The following ATF7IP2 variants were observed in gnomAD, a reference collection of about 807,000 sequenced individuals.
ATF7IP2 encodes activating transcription factor 7 interacting protein 2, also known as activating transcription factor 7-interacting protein 2.
In ATF7IP2, 42 loss-of-function variants were observed where a neutral mutation model predicts 64.2. The observed-to-expected ratio is 0.65, with a 90% CI of 0.51 to 0.85. The LOEUF (loss-of-function observed/expected upper bound fraction) is 0.85, where lower values mean the gene tolerates loss of function less well. Ranked by LOEUF, ATF7IP2 falls within the 40% of genes least tolerant of loss-of-function variation. The pLI, the probability that ATF7IP2 is intolerant of heterozygous loss-of-function variation, is 0.00. For synonymous variants in ATF7IP2, 308 were observed against 272.8 expected, an observed-to-expected ratio of 1.13 and a Z score of -1.27; for missense variants, 933 against 784.2, an observed-to-expected ratio of 1.19 and a Z score of -2.27.
At chr16:10,433,476 GT>G (rs2048322430) in intron 5 of ATF7IP2, 48 bp from the exon 6 acceptor site, 7 of 1,566,906 alleles carry the variant, frequency 4.5e-6, no homozygotes, top group Non-Finnish European at 6.1e-6. Context: ...CACTGAACCT[GT>G]TTTTTTCTTT....
intron 9 of ATF7IP2, among the ~76,000 whole-genome samples, chr16:10,459,329 A>G (rs559388139): frequency 6.6e-6 from 1 of 152,170 alleles, no homozygotes; most frequent in East Asian, 1.9e-4. Context: ...TTAGCCGGGC[A>G]TGGTGGCGGG....
intron 1 of ATF7IP2, among the ~76,000 whole-genome samples, chr16:10,409,023 A>T (rs7187089): frequency 6.6e-6 from 1 of 152,168 alleles, no homozygotes; most frequent in African/African-American, 2.4e-5. Flanking sequence ...GGTGCTGCTC[A>T]TGTCATTCAC....
chr16:10,389,603 A>G (rs940844876), intron 1 of ATF7IP2, among the ~76,000 whole-genome samples: 1 of 152,246 alleles, frequency 6.6e-6, no homozygotes, highest in Non-Finnish European at 1.5e-5. Flanking sequence ...GGAAATCGAC[A>G]TGGCTAAAAT....
intron 8 of ATF7IP2, among the ~76,000 whole-genome samples, chr16:10,453,829 C>T (rs1052429825): frequency 6.6e-6 from 1 of 151,968 alleles, no homozygotes; most frequent in Non-Finnish European, 1.5e-5. Flanking sequence ...GTTGGTCAGG[C>T]TGGTCTTGAA....
At chr16:10,399,152 C>T (rs755966069) in intron 1 of ATF7IP2, among the ~76,000 whole-genome samples, 1 of 152,094 alleles carries the variant, frequency 6.6e-6, no homozygotes, top group Non-Finnish European at 1.5e-5. Context: ...TGTGCAAAAT[C>T]TGACTAGTCA....
intron 2 of ATF7IP2, among the ~76,000 whole-genome samples, chr16:10,416,968 C>T (rs532910635): frequency 1.3e-3 from 196 of 152,224 alleles, no homozygotes; most frequent in African/African-American, 4.5e-3. Context: ...ACCCCATTTA[C>T]CAATGTGATT....
chr16:10,414,627 T>TTGTGTGTGTG lies in ATF7IP2; in HGVS notation c.-203+41_-203+50dup, dbSNP rs140459444. On this transcript the variant is annotated intron_variant, in intron 2 of 13. Coordinates refer to ENST00000562102, the MANE Select transcript of ATF7IP2 (RefSeq NM_001393719.1). ...ATCCACTGCTGGTGAGCTAGTGTGA[T>TTGTGTGTGTG]TGTGTGTGTGTGTGTGTGTGTGTGT... 53 of 94,818 alleles carry TTGTGTGTGTG rather than the reference T, an allele frequency of 5.6e-4. 1 individual carries two copies. Among genetic ancestry groups the TTGTGTGTGTG allele is most frequent in the African/African-American group, 2.5e-3 (49 of 19,280 alleles). 5.9% of individuals were successfully genotyped at this position (94,818 alleles called of 1,614,324 possible).
At chr16:10,460,938 T>C (rs1344679963) in intron 9 of ATF7IP2, among the ~76,000 whole-genome samples, 1 of 152,104 alleles carries the variant, frequency 6.6e-6, no homozygotes, top group African/African-American at 2.4e-5. Flanking sequence ...GCAGCACATA[T>C]AACCTGTAGA....
intron 1 of ATF7IP2, among the ~76,000 whole-genome samples, chr16:10,396,158 G>A (rs1003477236): frequency 6.6e-6 from 1 of 152,038 alleles, no homozygotes; most frequent in East Asian, 1.9e-4. Flanking sequence ...ATATATAATA[G>A]CATCAAAAAG....
chr16:10,406,125 A>T (rs549311305), intron 1 of ATF7IP2, among the ~76,000 whole-genome samples: 1 of 151,906 alleles, frequency 6.6e-6, no homozygotes, highest in East Asian at 1.9e-4. Flanking sequence ...AATTTTTTTC[A>T]TAGAATATTT....
chr16:10,432,801 C>A (rs1167913462), intron 5 of ATF7IP2, among the ~76,000 whole-genome samples: 7 of 152,114 alleles, frequency 4.6e-5, no homozygotes, highest in African/African-American at 1.7e-4. Context: ...TTGCTTGAAC[C>A]TGGGGGGCGG....
At chr16:10,464,716 T>C (rs570211597) in intron 9 of ATF7IP2, among the ~76,000 whole-genome samples, 2 of 152,154 alleles carry the variant, frequency 1.3e-5, no homozygotes, top group Non-Finnish European at 2.9e-5. Context: ...GATAAGGAAA[T>C]GTTTACAGAG....
chr16:10,454,302 T>G (rs1431593356), intron 8 of ATF7IP2: 1 of 148,054 alleles, frequency 6.8e-6, no homozygotes, highest in Admixed American at 7.0e-5. Context: ...CCCAGCTACT[T>G]GGAAGGCTGA....
chr16:10,478,788 G>C (rs1308987140), intron 12 of ATF7IP2, among the ~76,000 whole-genome samples: 1 of 152,084 alleles, frequency 6.6e-6, no homozygotes, highest in African/African-American at 2.4e-5. Flanking sequence ...AATCTACAAT[G>C]AACTCAAACA....
chr16:10,465,900 T>C (rs1239556488), intron 9 of ATF7IP2, among the ~76,000 whole-genome samples: 1 of 152,108 alleles, frequency 6.6e-6, no homozygotes, highest in Non-Finnish European at 1.5e-5. Flanking sequence ...TATACAGACA[T>C]AATTTTTAAA....
At chr16:10,447,202 C>T (rs1017506235) in intron 8 of ATF7IP2, 1 of 152,392 alleles carries the variant, frequency 6.6e-6, no homozygotes, top group African/African-American at 2.4e-5. Context: ...AAGCACTTCA[C>T]CACCCCAGCG....
intron 3 of ATF7IP2, among the ~76,000 whole-genome samples, chr16:10,421,748 G>A (rs1293277718): frequency 6.6e-6 from 1 of 152,204 alleles, no homozygotes; most frequent in African/African-American, 2.4e-5. Flanking sequence ...TAACACTGTG[G>A]ACATTTTTTA....
chr16:10,410,360 T>C (rs1322862682), intron 1 of ATF7IP2, among the ~76,000 whole-genome samples: 1 of 146,528 alleles, frequency 6.8e-6, no homozygotes, highest in Non-Finnish European at 1.5e-5. Flanking sequence ...TTGTTTTGTT[T>C]TTGTTTTTGT....
At chr16:10,463,605 C>T (rs2049447094) in intron 9 of ATF7IP2, among the ~76,000 whole-genome samples, 1 of 152,154 alleles carries the variant, frequency 6.6e-6, no homozygotes, top group Non-Finnish European at 1.5e-5. Context: ...CTGGTCAGAC[C>T]TTTGGTGACT....
Sources: gnomAD v4.1 joint callset for allele counts (sites outside exome capture counted in the v4.1 genomes callset) on GRCh38, gnomAD v4.1.1 for gene constraint, MANE v1.5 for transcripts, NCBI Gene and HGNC (gene_info 2026-07-23, HGNC 2026-07-21) for gene names.